Variants in ALOX15 observed in about 807,000 individuals in gnomAD.
ALOX15 encodes polyunsaturated fatty acid lipoxygenase ALOX15.
In ALOX15, 68 loss-of-function variants were observed where a neutral mutation model predicts 71.7. That is an observed-to-expected ratio of 0.95 (90% CI 0.78 to 1.16). ALOX15 has a LOEUF of 1.16. Among genes scored for constraint, ALOX15 ranks in the 50% most tolerant of loss-of-function variants. The probability of loss-of-function intolerance (pLI) is 0.00; values close to 1 mark genes in which losing one functional copy is unlikely to be tolerated. For synonymous variants in ALOX15, 346 were observed against 333.3 expected (o/e 1.04, Z -0.42); for missense variants, 798 against 818.8 (o/e 0.97, Z 0.31).
chr17:4,636,964 C>T, intron 7 of ALOX15, 151 bp downstream of exon 7: 1 of 960,942 alleles, frequency 1.0e-6, no homozygotes, highest in Non-Finnish European at 1.5e-6. Flanking sequence ...ACTGCAAGGC[C>T]TTCGAATAGA....
At chr17:4,641,346 G>C (rs11568075) in intron 1 of ALOX15, among the ~76,000 whole-genome samples, 171 bp downstream of exon 1, 3 of 152,108 alleles carry the variant, frequency 2.0e-5, no homozygotes, top group Non-Finnish European at 2.9e-5. Context: ...GTGTGCCACC[G>C]ACTGCCCTAA....
chr17:4,636,526 T>C (rs1367335569), intron 7 of ALOX15, among the ~76,000 whole-genome samples: 1 of 152,132 alleles, frequency 6.6e-6, no homozygotes, highest in East Asian at 1.9e-4. Flanking sequence ...TCCATCCTGA[T>C]GGTCACTACC....
chr17:4,635,936 A>G lies in ALOX15; in HGVS notation c.984T>C (p.Pro328=). Reference sequence around the variant, plus strand: ...GGGGATCCGTAGGCAAGAAAAGGGGAGGTGGTGGGGATCCTGTGCGGGGCA... The same window carrying G: ...GGGGATCCGTAGGCAAGAAAAGGGGGGGTGGTGGGGATCCTGTGCGGGGCA... ...LQLPRTGSPP[P]PLFLPTDPPM... is the part of the protein sequence containing the mutation. The change falls in exon 8 of 14, where the codon CCT becomes CCC. Residue 328 remains proline, a synonymous_variant. Coordinates refer to ENST00000293761, the MANE Select transcript of ALOX15 (RefSeq NM_001140.5). The G allele has an allele frequency of 6.2e-7, 1 of 1,614,010 alleles. No individual in the cohort carries two copies. Among genetic ancestry groups the G allele is most frequent in the South Asian group, 1.1e-5 (1 of 91,084 alleles).
intron 1 of ALOX15, among the ~76,000 whole-genome samples, chr17:4,641,279 A>G (rs1248843445): frequency 6.6e-6 from 1 of 151,964 alleles, no homozygotes; most frequent in Non-Finnish European, 1.5e-5. Flanking sequence ...GGCGCACAGG[A>G]GCATGCCCTC....
chr17:4,635,697 G>C, intron 8 of ALOX15, 62 bp downstream of exon 8: 1 of 1,541,132 alleles, frequency 6.5e-7, no homozygotes, highest in Non-Finnish European at 9.0e-7. Context: ...AGCCTCCAGA[G>C]GTCGGAACGT....
chr17:4,631,739 G>A lies in ALOX15; in HGVS notation c.1850C>T (p.Pro617Leu), dbSNP rs763960968. The A allele has an allele frequency of 1.2e-6, 2 of 1,614,130 alleles. No individual in the cohort carries two copies. Among genetic ancestry groups the A allele is most frequent in the Non-Finnish European group, 1.7e-6 (2 of 1,180,034 alleles). Reference sequence around the variant, plus strand: ...CTTCTTCAGCACAGCCTTAGGCTCAGGGCCCGAAAAATACTCCTCCTCATG... The same window carrying A: ...CTTCTTCAGCACAGCCTTAGGCTCAAGGCCCGAAAAATACTCCTCCTCATG... The part of the protein sequence containing the change: ...GQHEEEYFSG[P>L]EPKAVLKKFR... The change falls in exon 14 of 14, where the codon CCT (proline) becomes CTT (leucine). Residue 617 changes from proline (P) to leucine (L), a missense_variant. This residue lies in a region of ALOX15 where 490 missense variants were observed against 509.4 expected (regional missense o/e 0.96). Transcript: ENST00000293761.
intron 7 of ALOX15, among the ~76,000 whole-genome samples, chr17:4,636,626 A>C (rs761537681): frequency 6.6e-6 from 1 of 151,760 alleles, no homozygotes. Context: ...AACCCACCCT[A>C]AACACCACTG....
chr17:4,639,610 C>T lies in ALOX15; in HGVS notation c.157G>A (p.Val53Ile), dbSNP rs1169066049. The T allele has an allele frequency of 1.9e-6, 3 of 1,613,214 alleles. No homozygotes were observed. In the Admixed American group the frequency reaches 5.0e-5, roughly 27 times the overall value. The change falls in exon 2 of 14, where the codon GTA becomes ATA. Residue 53 changes from valine (V) to isoleucine (I), a missense_variant. Transcript: ENST00000293761. ...RGKETELKVE[V>I]PEYLGPLLFV... The stretch of plus-strand genomic sequence containing the variant: ...AGCAGCGGCCCCAGATACTCCGGTA[C>T]TTCCACCTTGAGTTCTGTCTCCTGC...
At position 4,639,421 on chromosome 17, in the gene ALOX15, C is replaced by T. The variant is rs1158954178; in HGVS notation, c.337+9G>A. On this transcript the variant is annotated intron_variant, in intron 2 of 13. Coordinates refer to ENST00000293761, the MANE Select transcript of ALOX15 (RefSeq NM_001140.5). The stretch of plus-strand genomic sequence containing the variant: ...AGAGGCCTCCTGACACCCTCAGCCC[C>T]GCGCTTACCGGTGCCTTCAGGCAGG... 6.2e-7 allele frequency: 1 copy of T among 1,613,216 alleles called. No individual in the cohort carries two copies. The highest frequency in any genetic ancestry group is 2.2e-5 in the East Asian group (1 of 44,888).
chr17:4,640,328 C>T, intron 1 of ALOX15, among the ~76,000 whole-genome samples: 2 of 134,420 alleles, frequency 1.5e-5, no homozygotes, highest in Non-Finnish European at 3.1e-5. Context: ...GGAAGGTCTG[C>T]AGCAGAGGTG....
intron 11 of ALOX15, among the ~76,000 whole-genome samples, chr17:4,632,581 T>C (rs1210703028): frequency 6.6e-6 from 1 of 152,064 alleles, no homozygotes; most frequent in Non-Finnish European, 1.5e-5. Context: ...ATTTATACCA[T>C]GGAAATGTGC....
At chr17:4,631,834 C>T (rs1910908858) in intron 13 of ALOX15, 55 bp from the exon 14 acceptor site, 1 of 1,608,154 alleles carries the variant, frequency 6.2e-7, no homozygotes, top group Non-Finnish European at 8.5e-7. Flanking sequence ...GTCTGGGATG[C>T]CACACGTCCC....
chr17:4,637,562 C>T (rs1911141392), intron 6 of ALOX15, among the ~76,000 whole-genome samples: 1 of 152,056 alleles, frequency 6.6e-6, no homozygotes, highest in African/African-American at 2.4e-5. Flanking sequence ...TGCCACTACA[C>T]CAAAGATTAC....
In ALOX15 at chr17:4,631,635, G is replaced by A. The variant is rs144962793; in HGVS notation, c.1954C>T (p.Arg652Trp). The A allele has an allele frequency of 6.8e-6, 11 of 1,613,666 alleles. No homozygotes were observed. Among genetic ancestry groups the A allele is most frequent in the African/African-American group, 6.7e-5 (5 of 74,934 alleles). The change falls in exon 14 of 14, where the codon CGG becomes TGG. Residue 652 changes from arginine (R) to tryptophan (W), a missense_variant. Arg to Trp is a moderately radical substitution (Grantham distance 101). This residue lies in a region of ALOX15 where 490 missense variants were observed against 509.4 expected (regional missense o/e 0.96). Transcript: ENST00000293761. Reference sequence around the variant, plus strand: ...ACACTGTTTTCCACCACGCTGGGCCGCAGGTACTCGTAGGGCATGTCCAGC... The same window carrying A: ...ACACTGTTTTCCACCACGCTGGGCCACAGGTACTCGTAGGGCATGTCCAGC... ...AKLDMPYEYL[R>W]PSVVENSVAI
Position 4,637,142 on chromosome 17 carries a change from A to T in ALOX15, c.924T>A (p.Asp308Glu). The change falls in exon 7 of 14, where the codon GAT (aspartate) becomes GAA (glutamate). Residue 308 changes from aspartate (D) to glutamate (E), a missense_variant. Asp to Glu is a conservative substitution (Grantham distance 45). This residue lies in a region of ALOX15 where 490 missense variants were observed against 509.4 expected (regional missense o/e 0.96). Transcript: ENST00000293761. The part of the protein sequence containing the change: ...APLVMLKLQP[D>E]GKLLPMVIQL... ...GGATGACCATGGGCAAGAGTTTCCC[A>T]TCAGGCTGCAATTTCAGCATGACTA... The T allele has an allele frequency of 6.2e-7, 1 of 1,613,632 alleles. No individual in the cohort carries two copies. The highest frequency in any genetic ancestry group is 1.3e-5 in the African/African-American group (1 of 75,046).
Position 4,633,219 on chromosome 17 carries a change from C to T in ALOX15, c.1345G>A (p.Asp449Asn), listed in dbSNP as rs763395191. 11 of 1,614,040 alleles carry T rather than the reference C, an allele frequency of 6.8e-6. No homozygotes were observed. The highest frequency in any genetic ancestry group is 5.3e-5 in the African/African-American group (4 of 74,912). The change falls in exon 10 of 14, where the codon GAC becomes AAC. Residue 449 changes from aspartate to asparagine, a missense_variant. Asp to Asn is a conservative substitution (Grantham distance 23). Around this residue, in one of 3 missense-constraint regions of ALOX15, gnomAD observed 490 missense variants for 509.4 expected, o/e 0.96. Transcript: ENST00000293761. ...SSFCPPDDLA[D>N]RGLLGVKSSF... ...GACTTCACTCCCAGGAGCCCCCGGT[C>T]GGCCAAGTCATCAGGGGGACAGAAG...
rs1311028954 is a variant in ALOX15, at chr17:4,636,113, C to T, written c.952-145G>A. The T allele has an allele frequency of 4.6e-4, 395 of 849,914 alleles. 3 individuals carry two copies. Among genetic ancestry groups the T allele is most frequent in the East Asian group, 3.2e-4 (12 of 37,460 alleles). 52.6% of individuals were successfully genotyped at this position (849,914 alleles called of 1,614,324 possible). A position where few individuals can be genotyped will look rare whatever the true frequency, so the allele number is the denominator to read the frequency against. On this transcript the variant is annotated intron_variant, in intron 7 of 13. Coordinates refer to ENST00000293761, the MANE Select transcript of ALOX15 (RefSeq NM_001140.5). ...CACTCCTGCCGCTCCCTACGGCTCC[C>T]GTTTCCTCCCCTCCCCTTCCTGCCC...
chr17:4,636,005 G>A, intron 7 of ALOX15, 37 bp from the exon 8 acceptor site: 2 of 1,600,186 alleles, frequency 1.2e-6, no homozygotes, highest in Non-Finnish European at 1.7e-6. Context: ...GAAGGCATGA[G>A]TGCCAGGCAC....
intron 8 of ALOX15, among the ~76,000 whole-genome samples, chr17:4,635,228 C>T (rs544939288): frequency 3.3e-5 from 5 of 151,780 alleles, no homozygotes; most frequent in South Asian, 4.2e-4. Context: ...GTCAGGCATT[C>T]GAGACCAGCC....
Sources: allele counts gnomAD v4.1 joint callset (sites outside exome capture counted in the v4.1 genomes callset), GRCh38; gene constraint gnomAD v4.1.1; regional missense constraint gnomAD v4.1.1; transcripts MANE v1.5; gene names NCBI Gene and HGNC (gene_info 2026-07-23, HGNC 2026-07-21).